Variants in PATJ observed in about 807,000 individuals in gnomAD.
PATJ encodes PATJ crumbs cell polarity complex component, also known as inaD-like protein.
In PATJ, 190 loss-of-function variants were observed where a neutral mutation model predicts 224.9. The ratio of observed to expected loss-of-function variants is 0.84; its 90% CI spans 0.75 to 0.95. PATJ has a LOEUF of 0.95. PATJ is among the 40% of genes least tolerant of loss of function. PATJ has a pLI of 0.00. For missense variants in PATJ, 2,121 were observed against 2,270.3 expected, an observed-to-expected ratio of 0.93 and a Z score of 1.34; for synonymous variants, 769 against 820.3, an observed-to-expected ratio of 0.94 and a Z score of 1.07.
chr1:62,063,765 T>C (rs1407074400), intron 31 of PATJ, among the ~76,000 whole-genome samples: 4 of 152,178 alleles, frequency 2.6e-5, no homozygotes, highest in Admixed American at 2.6e-4. Context: ...TGTGTGGCTA[T>C]TGTAAATGGG....
intron 14 of PATJ, among the ~76,000 whole-genome samples, chr1:61,815,218 G>A (rs556936955): frequency 6.6e-6 from 1 of 152,312 alleles, no homozygotes; most frequent in East Asian, 1.9e-4. Flanking sequence ...GCTCTGCTGT[G>A]GGAAAGGGCT....
intron 27 of PATJ, among the ~76,000 whole-genome samples, chr1:61,938,640 A>G (rs1489869449): frequency 6.6e-6 from 1 of 152,200 alleles, no homozygotes; most frequent in African/African-American, 2.4e-5. Context: ...ACTTGTGCCC[A>G]GGAGTCTGAG....
chr1:61,878,950 A>AT (rs959087667), intron 21 of PATJ, among the ~76,000 whole-genome samples: 1 of 151,540 alleles, frequency 6.6e-6, no homozygotes. Context: ...CACCCGGCTA[A>AT]TTTTTTTGTA....
intron 41 of PATJ, among the ~76,000 whole-genome samples, chr1:62,137,898 T>C (rs1667117478): frequency 6.6e-6 from 1 of 151,782 alleles, no homozygotes; most frequent in African/African-American, 2.4e-5. Context: ...AGGTCCATAG[T>C]CTCCTCCTCA....
chr1:61,899,474 G>A, intron 22 of PATJ, 109 bp from the exon 23 acceptor site: 1 of 603,728 alleles, frequency 1.7e-6, no homozygotes, highest in East Asian at 2.9e-5. Context: ...CTTAAAAATT[G>A]AGAATCATTT....
At chr1:62,144,765 GCAAAAAAAAAAAATATATATATAT>G in intron 41 of PATJ, among the ~76,000 whole-genome samples, 1 of 48,518 alleles carries the variant, frequency 2.1e-5, no homozygotes, top group African/African-American at 1.2e-4. Flanking sequence ...AATGTTATTT[GCAAAAAAAAAAAATATATATATAT>G]ATATATAATT....
chr1:61,768,883 G>A (rs1646445864), intron 4 of PATJ, among the ~76,000 whole-genome samples: 2 of 151,336 alleles, frequency 1.3e-5, no homozygotes, highest in African/African-American at 2.4e-5. Context: ...CTGGGCAACA[G>A]AGCGAGACCC....
chr1:62,159,201 G>GTTTA (rs201555284), intron 43 of PATJ, among the ~76,000 whole-genome samples: 1,634 of 152,040 alleles, frequency 0.011, 31 homozygotes, highest in African/African-American at 0.038. Context: ...AAGTTTTGGG[G>GTTTA]TTTATTTTTG....
At chr1:62,056,242 A>ATT in intron 31 of PATJ, among the ~76,000 whole-genome samples, 1 of 152,328 alleles carries the variant, frequency 6.6e-6, no homozygotes, top group Middle Eastern at 3.4e-3. Context: ...ATGGATACCT[A>ATT]AAGTTCACCA....
chr1:61,836,596 G>A (rs1660217283), intron 17 of PATJ, among the ~76,000 whole-genome samples: 1 of 152,212 alleles, frequency 6.6e-6, no homozygotes, highest in Non-Finnish European at 1.5e-5. Flanking sequence ...CCATTTGTCA[G>A]TGGTACCTAG....
chr1:61,792,173 A>T (rs780876691), intron 9 of PATJ, among the ~76,000 whole-genome samples: 1 of 152,210 alleles, frequency 6.6e-6, no homozygotes, highest in Non-Finnish European at 1.5e-5. Context: ...GGAAGGATTA[A>T]GAGTGCTAAT....
chr1:62,080,403 C>T (rs1038452618), intron 32 of PATJ, among the ~76,000 whole-genome samples: 1 of 152,082 alleles, frequency 6.6e-6, no homozygotes, highest in African/African-American at 2.4e-5. Context: ...CTGATCTCAG[C>T]TCACTGCAAC....
chr1:61,978,209 CT>C, intron 27 of PATJ, among the ~76,000 whole-genome samples: 1 of 138,302 alleles, frequency 7.2e-6, no homozygotes, highest in Non-Finnish European at 1.6e-5. Context: ...TCCTTCCTTC[CT>C]TCCTTCCTTC....
At chr1:62,074,388 GAATGA>G (rs1657957249) in intron 31 of PATJ, among the ~76,000 whole-genome samples, 1 of 151,692 alleles carries the variant, frequency 6.6e-6, no homozygotes, top group Admixed American at 6.6e-5. Context: ...AATAGATACA[GAATGA>G]ACCTTAAAAA....
At chr1:61,829,727 A>T (rs1658973538) in intron 16 of PATJ, among the ~76,000 whole-genome samples, 1 of 152,044 alleles carries the variant, frequency 6.6e-6, no homozygotes, top group African/African-American at 2.4e-5. Flanking sequence ...CTCTTTTTCC[A>T]TCTGTCTCTT....
At chr1:62,140,393 C>G (rs1042316312) in intron 41 of PATJ, among the ~76,000 whole-genome samples, 1 of 152,164 alleles carries the variant, frequency 6.6e-6, no homozygotes, top group Non-Finnish European at 1.5e-5. Flanking sequence ...TGGCTCACGC[C>G]AGTAATCCCA....
chr1:61,815,677 C>T (rs747928942), intron 14 of PATJ, among the ~76,000 whole-genome samples: 1 of 152,014 alleles, frequency 6.6e-6, no homozygotes, highest in East Asian at 1.9e-4. Flanking sequence ...GAGGGAGACC[C>T]TGTCTCTATA....
At chr1:61,987,611 T>A (rs1644836601) in intron 27 of PATJ, among the ~76,000 whole-genome samples, 1 of 152,226 alleles carries the variant, frequency 6.6e-6, no homozygotes, top group African/African-American at 2.4e-5. Flanking sequence ...CCTGGGGGAC[T>A]CTATGGCACC....
intron 43 of PATJ, among the ~76,000 whole-genome samples, chr1:62,155,534 G>C (rs1669093767): frequency 6.6e-6 from 1 of 152,146 alleles, no homozygotes; most frequent in South Asian, 2.1e-4. Flanking sequence ...AGAATGGACT[G>C]TGGCTCACAC....
Sources: allele counts gnomAD v4.1 joint callset (sites outside exome capture counted in the v4.1 genomes callset), GRCh38; gene constraint gnomAD v4.1.1; transcripts MANE v1.5; gene names NCBI Gene and HGNC (gene_info 2026-07-23, HGNC 2026-07-21).